CDC42BPB: variants seen among roughly 807,000 people sequenced by gnomAD.
CDC42BPB encodes the protein CDC42 binding protein kinase beta, also known as serine/threonine-protein kinase MRCK beta.
A neutral mutation model predicts 214.9 loss-of-function variants in CDC42BPB; 37 were observed. That is an observed-to-expected ratio of 0.17 (90% CI 0.13 to 0.23). CDC42BPB has a LOEUF of 0.23. Ranked by LOEUF, CDC42BPB falls within the 10% of genes least tolerant of loss-of-function variation. The pLI, the probability that CDC42BPB is intolerant of heterozygous loss-of-function variation, is 1.00. For synonymous variants in CDC42BPB, 931 were observed against 884.0 expected (o/e 1.05, Z -0.94); for missense variants, 1,694 against 2,227.0 (o/e 0.76, Z 4.82).
intron 13 of CDC42BPB, among the ~76,000 whole-genome samples, chr14:102,970,812 A>T (rs986400278): frequency 6.6e-6 from 1 of 152,226 alleles, no homozygotes; most frequent in Non-Finnish European, 1.5e-5. Context: ...TGTAACTACA[A>T]ATATATTTGG....
At chr14:102,961,837 C>T (rs958002320) in intron 20 of CDC42BPB, among the ~76,000 whole-genome samples, 2 of 152,140 alleles carry the variant, frequency 1.3e-5, no homozygotes, top group Admixed American at 1.3e-4. Context: ...GCCACCGCAC[C>T]GGCTGCAAAA....
At chr14:103,051,092 T>A (rs116930500) in intron 1 of CDC42BPB, among the ~76,000 whole-genome samples, 2,140 of 149,724 alleles carry the variant, frequency 0.014, 21 homozygotes, top group Admixed American at 0.022. Context: ...CCAACACAGA[T>A]TGTTTAAAAT....
chr14:102,954,840 TC>T, intron 21 of CDC42BPB, 152 bp from the exon 22 acceptor site: 1 of 1,426,636 alleles, frequency 7.0e-7, no homozygotes. Flanking sequence ...CCCTTGGGTC[TC>T]CTCACAGACC....
intron 30 of CDC42BPB, chr14:102,940,772 A>C: frequency 4.5e-6 from 1 of 223,816 alleles, no homozygotes; most frequent in Non-Finnish European, 9.1e-6. Flanking sequence ...CCACACAGAA[A>C]CCACTGCTGA....
chr14:102,974,027 C>T lies in CDC42BPB; in HGVS notation c.1630G>A (p.Glu544Lys), dbSNP rs751458409. The change falls in exon 12 of 37, where the codon GAG (glutamate) becomes AAG (lysine). Residue 544 changes from glutamate (E) to lysine (K), a missense_variant. Glu to Lys is a moderately conservative substitution (Grantham distance 56). Coordinates refer to ENST00000361246, the MANE Select transcript of CDC42BPB (RefSeq NM_006035.4). Reference protein sequence around the residue: ...QHRVVRQEKEELHKQLVEASE... With the variant: ...QHRVVRQEKEKLHKQLVEASE... ...ACTGAGCCACCTACCTTGTGCAGCT[C>T]CTCCTTCTCCTGCCGGACCACGCGG... The T allele has an allele frequency of 8.7e-6, 14 of 1,609,588 alleles. No individual in the cohort carries two copies. The highest frequency in any genetic ancestry group is 2.2e-5 in the East Asian group (1 of 44,814).
Position 103,048,532 on chromosome 14 carries a change from CAAAAAAA to C in CDC42BPB, c.175+8460_175+8466del, listed in dbSNP as rs71119751. ...TGAAACCCTGTTTCTACTAAAAATA[CAAAAAAA>C]AAAAAAAAAAAAAAAAAAAAAATTA... On this transcript the variant is annotated intron_variant, in intron 1 of 36. Coordinates refer to ENST00000361246, the MANE Select transcript of CDC42BPB (RefSeq NM_006035.4). 1.3e-3 allele frequency among the ~76,000 whole-genome samples: 54 copies of C among 42,658 alleles called. 1 individual carries two copies. The highest frequency in any genetic ancestry group is 9.8e-3 in the East Asian group (11 of 1,120). The allele number at this position is 42,658 out of a possible 152,430, so 28.0% of individuals were successfully genotyped here.
intron 7 of CDC42BPB, among the ~76,000 whole-genome samples, chr14:102,982,653 C>G (rs1894055798): frequency 6.6e-6 from 1 of 152,154 alleles, no homozygotes; most frequent in African/African-American, 2.4e-5. Flanking sequence ...CACCTATAAT[C>G]CCAGCTACTC....
At chr14:102,948,607 A>G (rs1284444931) in intron 26 of CDC42BPB, among the ~76,000 whole-genome samples, 1 of 52,840 alleles carries the variant, frequency 1.9e-5, no homozygotes, top group Non-Finnish European at 3.5e-5. Flanking sequence ...GGGTGGGTGC[A>G]GAGGTGGGGG....
chr14:102,997,064 G>A (rs1442428128), intron 5 of CDC42BPB, among the ~76,000 whole-genome samples: 1 of 152,110 alleles, frequency 6.6e-6, no homozygotes, highest in African/African-American at 2.4e-5. Context: ...CCAGCAAGAC[G>A]GAAGAGCTAT....
rs34420605 is a variant in CDC42BPB, at chr14:103,004,834, A to G, written c.352-811T>C. Among the ~76,000 whole-genome samples the G allele has an allele frequency of 6.2e-4, 93 of 151,062 alleles. No homozygotes were observed. Among genetic ancestry groups the G allele is most frequent in the South Asian group, 2.1e-3 (10 of 4,764 alleles). ...CGGTGAGCCAAAATTGCATCACCGT[A>G]CTCCAGCCTGGACGACAGAGCCAGA... On this transcript the variant is annotated intron_variant, in intron 3 of 36. Coordinates refer to ENST00000361246, the MANE Select transcript of CDC42BPB (RefSeq NM_006035.4). The surrounding 1 kb of genome is among the most constrained non-coding windows in gnomAD (Gnocchi z 5.3).
At chr14:102,966,177 T>C (rs1016305204) in intron 18 of CDC42BPB, 105 bp downstream of exon 18, 8 of 809,854 alleles carry the variant, frequency 9.9e-6, no homozygotes, top group East Asian at 2.8e-5. Flanking sequence ...CAGAAGTCTC[T>C]TGCATCACTG....
chr14:103,039,771 A>G (rs1887881905), intron 1 of CDC42BPB, among the ~76,000 whole-genome samples: 2 of 152,194 alleles, frequency 1.3e-5, no homozygotes, highest in Admixed American at 6.5e-5. Flanking sequence ...AGGCAGGGCA[A>G]GTAGACAACA....
chr14:102,969,102 C>A (rs1001636480), intron 14 of CDC42BPB, among the ~76,000 whole-genome samples: 4 of 152,220 alleles, frequency 2.6e-5, no homozygotes, highest in Non-Finnish European at 5.9e-5. Flanking sequence ...GGCAGAGGGG[C>A]CGTGCACCCC....
chr14:102,950,051 G>A, intron 25 of CDC42BPB, 147 bp from the exon 26 acceptor site: 1 of 1,475,196 alleles, frequency 6.8e-7, no homozygotes, highest in Non-Finnish European at 8.9e-7. Flanking sequence ...AAGGCTCAAG[G>A]CGTTGCTGGG....
chr14:103,046,757 G>A (rs150589688), intron 1 of CDC42BPB, among the ~76,000 whole-genome samples: 3 of 151,862 alleles, frequency 2.0e-5, no homozygotes, highest in Non-Finnish European at 2.9e-5. Context: ...GGGTTCAAGC[G>A]ATTCTCCTGC....
rs886181170 is a variant in CDC42BPB at position 102,940,372 on chromosome 14, T to C, written c.4409-48A>G. ...GGGTGAGCCACAGTGGCTCAGGAACTCACCTGCCCTCGGGCCGGAGGCCAA... is the reference window on the plus strand; with the variant it reads ...GGGTGAGCCACAGTGGCTCAGGAACCCACCTGCCCTCGGGCCGGAGGCCAA... On this transcript the variant is annotated intron_variant, in intron 30 of 36. Coordinates refer to ENST00000361246, the MANE Select transcript of CDC42BPB (RefSeq NM_006035.4). 2.6e-6 allele frequency: 4 copies of C among 1,548,204 alleles called. No homozygotes were observed. In the African/African-American group the frequency reaches 5.5e-5, roughly 21 times the overall value.
rs1197211560 is a variant in CDC42BPB at position 103,033,178 on chromosome 14, GTGGTTCA to G, written c.176-20997_176-20991del. On this transcript the variant is annotated intron_variant, in intron 1 of 36. Coordinates refer to ENST00000361246, the MANE Select transcript of CDC42BPB (RefSeq NM_006035.4). ...TGTGAGTTGATAACTGTTGAAACTG[GTGGTTCA>G]TTATTCTATATGCTCTACCTCTTTT... 3.9e-5 allele frequency among the ~76,000 whole-genome samples: 6 copies of G among 152,126 alleles called. No individual in the cohort carries two copies. In the East Asian group the frequency reaches 1.2e-3, roughly 29 times the overall value.
At position 102,947,628 on chromosome 14, in the gene CDC42BPB, G is replaced by C. The variant is rs1892243240; in HGVS notation, c.3531+93C>G. 3 of 1,097,026 alleles carry C rather than the reference G, an allele frequency of 2.7e-6. No individual in the cohort carries two copies. In the African/African-American group the frequency reaches 4.6e-5, roughly 17 times the overall value. 68.0% of individuals were successfully genotyped at this position (1,097,026 alleles called of 1,614,324 possible). On this transcript the variant is annotated intron_variant, in intron 27 of 36. Transcript: ENST00000361246. ...GTTGAGACCCTAGGGCCACACTGGA[G>C]GTGCGCTGATGGCTGCCGCAGCACA... is the stretch of plus-strand genomic sequence containing the variant.
At chr14:103,003,595 G>A (rs1449597523) in intron 4 of CDC42BPB, among the ~76,000 whole-genome samples, 1 of 152,204 alleles carries the variant, frequency 6.6e-6, no homozygotes, top group Non-Finnish European at 1.5e-5. Flanking sequence ...AAACATCCAC[G>A]TGGCTTAATC....
Sources: gnomAD v4.1 joint callset for allele counts (sites outside exome capture counted in the v4.1 genomes callset) on GRCh38, gnomAD v4.1.1 for gene constraint, Gnocchi (gnomAD v3.1) non-coding constraint, MANE v1.5 for transcripts, NCBI Gene and HGNC (gene_info 2026-07-23, HGNC 2026-07-21) for gene names.